MICAL3: variants seen among roughly 807,000 people sequenced by gnomAD.
MICAL3 encodes the protein [F-actin]-monooxygenase MICAL3.
MICAL3 carries 62 observed loss-of-function variants against 207.4 expected under a neutral mutation model. That is an observed-to-expected ratio of 0.30 (90% CI 0.24 to 0.37). The LOEUF (loss-of-function observed/expected upper bound fraction) is 0.37, where lower values mean the gene tolerates loss of function less well. MICAL3 is among the 10% of genes least tolerant of loss of function. The probability of loss-of-function intolerance (pLI) is 1.00; values close to 1 mark genes in which losing one functional copy is unlikely to be tolerated. For synonymous variants in MICAL3, 1,077 were observed against 1,069.3 expected, an observed-to-expected ratio of 1.01 and a Z score of -0.14; for missense variants, 2,368 against 2,635.6, an observed-to-expected ratio of 0.90 and a Z score of 2.22.
intron 1 of MICAL3, among the ~76,000 whole-genome samples, chr22:17,953,930 CAAAAAAAAAAAAAAAAAAAAAAAA>C (rs59740388): frequency 5.8e-5 from 5 of 86,538 alleles, no homozygotes; most frequent in Non-Finnish European, 9.2e-5. Context: ...GACTCCATCT[CAAAAAAAAAAAAAAAAAAAAAAAA>C]AAAAAAAAAA....
intron 1 of MICAL3, among the ~76,000 whole-genome samples, chr22:17,949,070 C>A (rs1934212497): frequency 1.3e-5 from 2 of 150,160 alleles, no homozygotes; most frequent in Admixed American, 1.3e-4. Flanking sequence ...ATTAGCCATA[C>A]ATGGTGGCAT....
At chr22:17,877,348 TTAG>T in intron 16 of MICAL3, among the ~76,000 whole-genome samples, 1 of 117,542 alleles carries the variant, frequency 8.5e-6, no homozygotes, top group Non-Finnish European at 1.7e-5. Flanking sequence ...GTTAGGGAGG[TTAG>T]GGAGGTTATG....
rs67222681 is a variant in MICAL3 at position 17,929,568 on chromosome 22, C to CTTTTTTTTTTTT, written c.-74-22694_-74-22683dup. On this transcript the variant is annotated intron_variant, in intron 1 of 31. Transcript: ENST00000441493. Reference sequence around the variant, plus strand: ...ATTTTTCTTTCTTTCCTTTTCTTTTCTTTTTTTTTTTTTTTTTTTGACAGG... The same window carrying CTTTTTTTTTTTT: ...ATTTTTCTTTCTTTCCTTTTCTTTTCTTTTTTTTTTTTTTTTTTTTTTTTTTTTTTTGACAGG... 4.6e-4 allele frequency among the ~76,000 whole-genome samples: 50 copies of CTTTTTTTTTTTT among 108,902 alleles called. 2 individuals carry two copies. The highest frequency in any genetic ancestry group is 5.4e-4 in the Non-Finnish European group (31 of 56,918). 71.4% of individuals were successfully genotyped at this position (108,902 alleles called of 152,430 possible).
At position 17,875,962 on chromosome 22, in the gene MICAL3, C is replaced by T. The variant is rs192411443; in HGVS notation, c.2242-3939G>A. On this transcript the variant is annotated intron_variant, in intron 16 of 31. Coordinates refer to ENST00000441493, the MANE Select transcript of MICAL3 (RefSeq NM_015241.3). Reference sequence around the variant, plus strand: ...TTTCTCCAGGGCAAAAAGATTCTCCCGCCACCCTATCACTCCATTGGCCTT... The same window carrying T: ...TTTCTCCAGGGCAAAAAGATTCTCCTGCCACCCTATCACTCCATTGGCCTT... Among the ~76,000 whole-genome samples the T allele has an allele frequency of 4.9e-3, 748 of 152,312 alleles. 25 individuals carry two copies. Among genetic ancestry groups the T allele is most frequent in the Admixed American group, 0.043 (660 of 15,302 alleles).
At chr22:17,962,111 G>T (rs781349896) in intron 1 of MICAL3, among the ~76,000 whole-genome samples, 1 of 152,168 alleles carries the variant, frequency 6.6e-6, no homozygotes, top group Admixed American at 6.5e-5. Context: ...TCTGTCAATC[G>T]AGTGCTTGCT....
rs1032206482 is a variant in MICAL3 at position 17,790,502 on chromosome 22, G to T, written c.*230C>A. Reference sequence around the variant, plus strand: ...TACACGCCGTGCTGCTCCTCTGAGTGGGAGGTCCAGGTGGGCCTCCTCCCA... The same window carrying T: ...TACACGCCGTGCTGCTCCTCTGAGTTGGAGGTCCAGGTGGGCCTCCTCCCA... On this transcript the variant is annotated 3_prime_UTR_variant, in exon 32 of 32. Transcript: ENST00000441493. 3 of 570,420 alleles carry T rather than the reference G, an allele frequency of 5.3e-6. No individual in the cohort carries two copies. Among genetic ancestry groups the T allele is most frequent in the Non-Finnish European group, 9.4e-6 (3 of 319,954 alleles). The allele number at this position is 570,420 out of a possible 1,614,324, so 35.3% of individuals were successfully genotyped here. A position where few individuals can be genotyped will look rare whatever the true frequency, so the allele number is the denominator to read the frequency against.
At chr22:17,889,329 A>G in intron 12 of MICAL3, 99 bp from the exon 13 acceptor site, 1 of 869,142 alleles carries the variant, frequency 1.2e-6, no homozygotes, top group Non-Finnish European at 1.8e-6. Flanking sequence ...GTTTTCAGCT[A>G]AAATCCAGGG....
chr22:17,888,662 C>T (rs182569037), intron 13 of MICAL3, among the ~76,000 whole-genome samples: 2 of 152,206 alleles, frequency 1.3e-5, no homozygotes, highest in East Asian at 3.9e-4. Flanking sequence ...TGAAGAGAAG[C>T]CGGATTATAA....
intron 1 of MICAL3, among the ~76,000 whole-genome samples, chr22:17,989,467 A>G (rs1921416395): frequency 2.0e-5 from 3 of 151,886 alleles, no homozygotes; most frequent in Admixed American, 2.0e-4. Flanking sequence ...CACCACCCAG[A>G]CAGAACCCGG....
In MICAL3 at chr22:17,796,210, C is replaced by T. The variant is rs1198178163; in HGVS notation, c.5651-4909G>A. ...CTGCTGCGTCTCCAACACTCGGGGG[C>T]ACATCTGCTCCATCTTTCCCTCTGA... On this transcript the variant is annotated intron_variant, in intron 29 of 31. Coordinates refer to ENST00000441493, the MANE Select transcript of MICAL3 (RefSeq NM_015241.3). The surrounding 1 kb of genome is among the most constrained non-coding windows in gnomAD (Gnocchi z 4.4). Among the ~76,000 whole-genome samples, 1 of 152,244 alleles carries T rather than the reference C, an allele frequency of 6.6e-6. No homozygotes were observed. Among genetic ancestry groups the T allele is most frequent in the African/African-American group, 2.4e-5 (1 of 41,458 alleles).
intron 1 of MICAL3, among the ~76,000 whole-genome samples, chr22:18,022,813 A>C (rs1264454004): frequency 1.3e-5 from 2 of 152,192 alleles, no homozygotes; most frequent in South Asian, 2.1e-4. Flanking sequence ...GTTAGTACAT[A>C]GGCAGCCATG....
intron 19 of MICAL3, chr22:17,863,929 G>A (rs530306848): frequency 1.0e-6 from 1 of 985,416 alleles, no homozygotes; most frequent in Admixed American, 6.1e-5. Flanking sequence ...TGAGATACAT[G>A]TGTTTTGAAC....
chr22:17,819,893 A>T (rs985578993), intron 25 of MICAL3, among the ~76,000 whole-genome samples: 1 of 148,132 alleles, frequency 6.8e-6, no homozygotes, highest in Non-Finnish European at 1.5e-5. Flanking sequence ...CAGTGAGCCA[A>T]GATCGCGCCA....
At chr22:17,925,556 C>T (rs35645198) in intron 1 of MICAL3, among the ~76,000 whole-genome samples, 32,650 of 152,074 alleles carry the variant, frequency 0.21, 3,725 homozygotes, top group Middle Eastern at 0.28. Context: ...TTCAGCAACA[C>T]GAAGGGAGCT....
Position 17,978,788 on chromosome 22 carries a change from G to A in MICAL3, c.-75+45493C>T, listed in dbSNP as rs570191013. ...CCCGCCTCGGCCTCCCAAAGTGCTGGGATTACAGGTGTGAGCCACCGTGCC... is the reference window on the plus strand; with the variant it reads ...CCCGCCTCGGCCTCCCAAAGTGCTGAGATTACAGGTGTGAGCCACCGTGCC... On this transcript the variant is annotated intron_variant, in intron 1 of 31. Coordinates refer to ENST00000441493, the MANE Select transcript of MICAL3 (RefSeq NM_015241.3). 1.6e-4 allele frequency among the ~76,000 whole-genome samples: 24 copies of A among 151,840 alleles called. No individual in the cohort carries two copies. In the South Asian group the frequency reaches 5.0e-3, roughly 32 times the overall value.
intron 13 of MICAL3, among the ~76,000 whole-genome samples, chr22:17,888,179 C>T (rs1364418720): frequency 1.3e-5 from 2 of 152,134 alleles, no homozygotes; most frequent in African/African-American, 4.8e-5. Context: ...ATTTTACACC[C>T]GTTACCCCAT....
chr22:17,956,424 C>A (rs2017932), intron 1 of MICAL3, among the ~76,000 whole-genome samples: 32,342 of 152,068 alleles, frequency 0.21, 3,618 homozygotes, highest in Middle Eastern at 0.29. Context: ...CTATAATCCC[C>A]GCACTTTGGG....
chr22:17,808,568 A>G (rs545171141), intron 29 of MICAL3, among the ~76,000 whole-genome samples: 16 of 152,324 alleles, frequency 1.1e-4, no homozygotes, highest in African/African-American at 3.6e-4. Context: ...AGGAGGGGGA[A>G]GAGCCAGCGC....
chr22:17,875,543 T>C, intron 16 of MICAL3: 1 of 1,549,156 alleles, frequency 6.5e-7, no homozygotes, highest in Non-Finnish European at 8.7e-7. Context: ...GACGAGGAGG[T>C]TCAGGCTCTG....
Sources: gnomAD v4.1 joint callset for allele counts (sites outside exome capture counted in the v4.1 genomes callset) on GRCh38, gnomAD v4.1.1 for gene constraint, Gnocchi (gnomAD v3.1) non-coding constraint, MANE v1.5 for transcripts, NCBI Gene and HGNC (gene_info 2026-07-23, HGNC 2026-07-21) for gene names.